Variants in TTN observed in about 807,000 individuals in gnomAD.
TTN encodes the protein titin, also known as connectin.
In TTN, 1,525 loss-of-function variants were observed where a neutral mutation model predicts 3,223.0. The ratio of observed to expected loss-of-function variants is 0.47; its 90% confidence interval spans 0.45 to 0.49. TTN has a LOEUF of 0.49. TTN is among the 20% of genes least tolerant of loss of function. The pLI is 0.00. For synonymous variants in TTN, 14,094 were observed against 15,161.0 expected, an observed-to-expected ratio of 0.93 and a Z score of 5.17; for missense variants, 40,786 against 43,424.0, an observed-to-expected ratio of 0.94 and a Z score of 5.40.
Position 178,621,676 on chromosome 2 carries a change from G to A in TTN, c.45148C>T (p.Leu15050=). The A allele has an allele frequency of 1.9e-6, 3 of 1,612,184 alleles. No homozygotes were observed. The highest frequency in any genetic ancestry group is 2.5e-6 in the Non-Finnish European group (3 of 1,179,042). The change falls in exon 245 of 363, where the codon CTG becomes TTG. Residue 15050 remains leucine, a synonymous_variant. Coordinates refer to ENST00000589042, the MANE Select transcript of TTN (RefSeq NM_001267550.2). The stretch of plus-strand genomic sequence containing the variant: ...CCAGGTTTGGAGACTTCACAAACCA[G>A]TTTTATAGTGTCTGTTTCACTAACT... ...IEVSETDTIK[L]VCEVSKPGAE...
intron 265 of TTN, 50 bp from the exon 266 acceptor site, chr2:178,612,626 T>C (rs2056547858): frequency 6.4e-7 from 1 of 1,566,688 alleles, no homozygotes; most frequent in Non-Finnish European, 8.6e-7. Context: ...TATTACCCAA[T>C]AGTCAGTCTG....
chr2:178,705,089 A>G (rs2075639216), intron 103 of TTN, 85 bp downstream of exon 103: 1 of 1,578,546 alleles, frequency 6.3e-7, no homozygotes, highest in Non-Finnish European at 8.6e-7. Flanking sequence ...TCATATAACT[A>G]TAGGATTCTG....
Position 178,706,730 on chromosome 2 carries a change from G to T in TTN, c.29144C>A (p.Ala9715Glu). 2 of 1,608,090 alleles carry T rather than the reference G, an allele frequency of 1.2e-6. No individual in the cohort carries two copies. The highest frequency in any genetic ancestry group is 1.7e-6 in the Non-Finnish European group (2 of 1,176,782). Residue 9715 changes from alanine to glutamate, a missense_variant, in exon 102 of 363, where the codon GCG (alanine) becomes GAG (glutamate). By Grantham distance (107) the Ala-to-Glu change is moderately radical. Coordinates refer to ENST00000589042, the MANE Select transcript of TTN (RefSeq NM_001267550.2). ...QSIRVVEKTT[A>E]TFIAKVGGDP... ...ACCTCCAACTTTTGCAATGAAGGTC[G>T]CAGTGGTTTCTAAGGAATAATGAAA...
chr2:178,529,931 A>T, intron 359 of TTN, 29 bp downstream of exon 359: 1 of 1,575,702 alleles, frequency 6.3e-7, no homozygotes, highest in Non-Finnish European at 8.5e-7. Context: ...CTTCTGAAGA[A>T]ATGTGGGTAA....
In TTN at chr2:178,689,095, C is replaced by A. The variant is rs1299958039; in HGVS notation, c.32053G>T (p.Ala10685Ser). ...PKKPVPEEKVAVPVPVAKKAP... is the reference protein window; with the variant it reads ...PKKPVPEEKVSVPVPVAKKAP... ...TTCTTAGCGACAGGAACTGGCACTG[C>A]AACTTTCTCCTCTGGGACGGGTTTC... Residue 10685 changes from alanine (A) to serine (S), a missense_variant, in exon 125 of 363, where the codon GCA becomes TCA. Physicochemically the swap from Ala to Ser is moderately conservative, Grantham distance 99 (BLOSUM62 1). Coordinates refer to ENST00000589042, the MANE Select transcript of TTN (RefSeq NM_001267550.2). 6.2e-7 allele frequency: 1 copy of A among 1,608,904 alleles called. No homozygotes were observed. Among genetic ancestry groups the A allele is most frequent in the South Asian group, 1.1e-5 (1 of 90,558 alleles).
chr2:178,767,438 T>C (rs1393286892), intron 40 of TTN, among the ~76,000 whole-genome samples: 2 of 152,242 alleles, frequency 1.3e-5, no homozygotes, highest in Non-Finnish European at 2.9e-5. Context: ...TAATTCTAAT[T>C]GATGTGTGAA....
At position 178,766,514 on chromosome 2, in the gene TTN, A is replaced by G; in HGVS notation, c.9570T>C (p.Val3190=). The G allele has an allele frequency of 6.2e-7, 1 of 1,614,062 alleles. No individual in the cohort carries two copies. Among genetic ancestry groups the G allele is most frequent in the Non-Finnish European group, 8.5e-7 (1 of 1,179,990 alleles). ...CCACTACATATTTGTGTCGTTCTTGAACTTGGAAATTGATTTCAATGCCAT... is the reference window on the plus strand; with the variant it reads ...CCACTACATATTTGTGTCGTTCTTGGACTTGGAAATTGATTTCAATGCCAT... ...YKDGIEINFQ[V]QERHKYVVER... Residue 3190 remains valine (V), a synonymous_variant, in exon 41 of 363, where the codon GTT becomes GTC. Coordinates refer to ENST00000589042, the MANE Select transcript of TTN (RefSeq NM_001267550.2).
In TTN at chr2:178,570,113, A is replaced by T. The variant is rs200287703; in HGVS notation, c.76019T>A (p.Val25340Asp). The change falls in exon 326 of 363, where the codon GTT (valine) becomes GAT (aspartate). Residue 25340 changes from valine (V) to aspartate (D), a missense_variant. Coordinates refer to ENST00000589042, the MANE Select transcript of TTN (RefSeq NM_001267550.2). ...SDGGSEILGY[V>D]LEKRDKEGIR... Reference sequence around the variant, plus strand: ...GCCTTCTTTATCCCGTTTCTCAAGAACATATCCAAGAATTTCACTACCACC... The same window carrying T: ...GCCTTCTTTATCCCGTTTCTCAAGATCATATCCAAGAATTTCACTACCACC... The T allele has an allele frequency of 1.3e-4, 210 of 1,613,442 alleles. No individual in the cohort carries two copies. The African/African-American group carries it at 2.5e-3, about 19-fold the overall frequency.
At position 178,781,040 on chromosome 2, in the gene TTN, G is replaced by A. The variant is rs2092718894; in HGVS notation, c.3523+81C>T. On this transcript the variant is annotated intron_variant, in intron 21 of 362. Transcript: ENST00000589042. ...TATCAGAACCAGTAAGTGGCAACAGGTTTTTCAGCAAACGGACAGCACTGC... is the reference window on the plus strand; with the variant it reads ...TATCAGAACCAGTAAGTGGCAACAGATTTTTCAGCAAACGGACAGCACTGC... 7 of 1,597,216 alleles carry A rather than the reference G, an allele frequency of 4.4e-6. No homozygotes were observed. The East Asian group carries it at 1.6e-4, about 36-fold the overall frequency.
At position 178,589,511 on chromosome 2, in the gene TTN, A is replaced by C. The variant is rs1388003753; in HGVS notation, c.62214T>G (p.Ile20738Met). ...TCTTTGTTTGCACTCTGAACTCATA[A>C]ATCTGGTTTTCAACACATCTGTCAA... ...YMVDRCVENQ[I>M]YEFRVQTKNE... is the part of the protein sequence containing the mutation. Residue 20738 changes from isoleucine (I) to methionine (M), a missense_variant, in exon 304 of 363, where the codon ATT (isoleucine) becomes ATG (methionine). Transcript: ENST00000589042. The C allele has an allele frequency of 6.8e-6, 11 of 1,613,212 alleles. No homozygotes were observed. Among genetic ancestry groups the C allele is most frequent in the Non-Finnish European group, 8.5e-6 (10 of 1,179,636 alleles).
rs185744612 is a variant in TTN, at chr2:178,710,319, C to T, written c.28462+316G>A. Among the ~76,000 whole-genome samples, 11 of 152,098 alleles carry T rather than the reference C, an allele frequency of 7.2e-5. No homozygotes were observed. The East Asian group carries it at 1.4e-3, about 19-fold the overall frequency. On this transcript the variant is annotated intron_variant, in intron 98 of 362. Transcript: ENST00000589042. The stretch of plus-strand genomic sequence containing the variant: ...AAAATTAGTTGGTCATGGTGGCAGG[C>T]GCCTGTAATCCCAGCTACTCAGGAG...
At chr2:178,724,656 T>C (rs2079029639) in intron 71 of TTN, 118 bp from the exon 72 acceptor site, 1 of 1,061,738 alleles carries the variant, frequency 9.4e-7, no homozygotes, top group Non-Finnish European at 1.2e-6. Flanking sequence ...GCTCTCTCTC[T>C]CGACTTTAAA....
At position 178,572,812 on chromosome 2, in the gene TTN, T is replaced by G. The variant is rs1575766117; in HGVS notation, c.73320A>C (p.Ile24440=). The part of the protein sequence containing the change: ...LDADLRKVVT[I]RACCTLRLFV... ...AAAGTCTCAGGGTGCAGCAGGCCCT[T>G]ATAGTAACAACTTTGCGCAGGTCAG... The change falls in exon 326 of 363, where the codon ATA becomes ATC. Residue 24440 remains isoleucine (I), a synonymous_variant. Coordinates refer to ENST00000589042, the MANE Select transcript of TTN (RefSeq NM_001267550.2). The G allele has an allele frequency of 1.2e-6, 2 of 1,613,408 alleles. No individual in the cohort carries two copies. Among genetic ancestry groups the G allele is most frequent in the Non-Finnish European group, 1.7e-6 (2 of 1,179,570 alleles).
At position 178,548,086 on chromosome 2, in the gene TTN, A is replaced by G. The variant is rs1401495285; in HGVS notation, c.93540T>C (p.Thr31180=). 1.2e-6 allele frequency: 2 copies of G among 1,613,722 alleles called. No individual in the cohort carries two copies. Among genetic ancestry groups the G allele is most frequent in the Non-Finnish European group, 1.7e-6 (2 of 1,179,814 alleles). The stretch of plus-strand genomic sequence containing the variant: ...TGGCCTTCACACGGAATTCATATTC[A>G]GTTTTCTCAACAAGACGCTCTACTG... ...TFTVERLVEK[T]EYEFRVKAKN... is the part of the protein sequence containing the mutation. Residue 31180 remains threonine (T), a synonymous_variant, in exon 339 of 363, where the codon ACT becomes ACC. Coordinates refer to ENST00000589042, the MANE Select transcript of TTN (RefSeq NM_001267550.2). The surrounding 1 kb of genome is among the most constrained non-coding windows in gnomAD (Gnocchi z 4.3).
At chr2:178,742,883 T>C (rs1175628263) in intron 47 of TTN, 1 of 152,070 alleles carries the variant, frequency 6.6e-6, no homozygotes, top group Non-Finnish European at 1.5e-5. Context: ...TGTTCTAGCA[T>C]ATAAGCATTA....
intron 312 of TTN, 103 bp downstream of exon 312, chr2:178,583,504 A>T (rs748664368): frequency 8.2e-7 from 1 of 1,222,796 alleles, no homozygotes. Context: ...ACATCATTTT[A>T]ATTTTCCTTT....
In TTN at chr2:178,713,710, A is replaced by G. The variant is rs2077035039; in HGVS notation, c.26761+187T>C. 4 of 856,786 alleles carry G rather than the reference A, an allele frequency of 4.7e-6. No homozygotes were observed. The South Asian group carries it at 8.6e-5, about 18-fold the overall frequency. The allele number at this position is 856,786 out of a possible 1,614,324, so 53.1% of individuals were successfully genotyped here. On this transcript the variant is annotated intron_variant, in intron 92 of 362. Coordinates refer to ENST00000589042, the MANE Select transcript of TTN (RefSeq NM_001267550.2). ...ATCATTTTGGAAATTCCTCAAAAAG[A>G]AAGGGATATAACTTTTGAACATGGT...
Position 178,558,382 on chromosome 2 carries a change from G to A in TTN, c.87077C>T (p.Pro29026Leu), listed in dbSNP as rs876658090. The A allele has an allele frequency of 3.7e-6, 6 of 1,613,450 alleles. No individual in the cohort carries two copies. The highest frequency in any genetic ancestry group is 1.7e-5 in the Admixed American group (1 of 59,968). The change falls in exon 327 of 363, where the codon CCG (proline) becomes CTG (leucine). Residue 29026 changes from proline to leucine, a missense_variant. By Grantham distance (98) the Pro-to-Leu change is moderately conservative. Transcript: ENST00000589042. ...AAGAACAGGAAGCAGAAGCTCTCTC[G>A]GGTCACTCAGGCCAGCTTGATTTTC... The part of the protein sequence containing the change: ...FAENQAGLSD[P>L]RELLLPVLIK...
Position 178,651,662 on chromosome 2 carries a change from A to G in TTN, c.39463+4T>C. 6.2e-7 allele frequency: 1 copy of G among 1,613,222 alleles called. No individual in the cohort carries two copies. The highest frequency in any genetic ancestry group is 8.5e-7 in the Non-Finnish European group (1 of 1,179,516). ...GTTAGGGAGTTAGTGGCAGTGAGGA[A>G]TACCTTTCACTGGTGGTAGTTCAGG... On this transcript the variant is annotated splice_donor_region_variant and intron_variant, in intron 206 of 362. Transcript: ENST00000589042.
Sources: allele counts gnomAD v4.1 joint callset (sites outside exome capture counted in the v4.1 genomes callset), GRCh38; gene constraint gnomAD v4.1.1; non-coding constraint Gnocchi (gnomAD v3.1); transcripts MANE v1.5; gene names NCBI Gene and HGNC (gene_info 2026-07-23, HGNC 2026-07-21).